SCAF8: variants seen among roughly 807,000 people sequenced by gnomAD.
SCAF8 encodes SR-related and CTD-associated factor 8.
SCAF8 carries 23 observed loss-of-function variants against 140.5 expected under a neutral mutation model. The ratio of observed to expected loss-of-function variants is 0.16; its 90% CI spans 0.12 to 0.23. SCAF8 has a LOEUF of 0.23. Among genes scored for constraint, SCAF8 ranks in the 10% least tolerant of loss-of-function variants. The pLI is 1.00. For synonymous variants in SCAF8, 575 were observed against 528.9 expected (o/e 1.09, Z -1.20); for missense variants, 1,397 against 1,555.7 (o/e 0.90, Z 1.72).
intron 16 of SCAF8, among the ~76,000 whole-genome samples, chr6:154,822,658 G>A (rs984415491): frequency 6.6e-6 from 1 of 152,094 alleles, no homozygotes; most frequent in African/African-American, 2.4e-5. Flanking sequence ...AAAACTCAGA[G>A]GATTTTTTTA....
chr6:154,762,483 G>A lies in SCAF8; in HGVS notation c.31-11506G>A, dbSNP rs139137831. On this transcript the variant is annotated intron_variant, in intron 1 of 19. Transcript: ENST00000367178. ...GTCCCATTTCTGGTCTACTACAATA[G>A]TTATCATCGGAGTGACTGTCCCACC... Among the ~76,000 whole-genome samples, 47 of 152,164 alleles carry A rather than the reference G, an allele frequency of 3.1e-4. No homozygotes were observed. In the East Asian group the frequency reaches 8.5e-3, roughly 27 times the overall value.
chr6:154,796,389 CTCTG>C (rs1554261842), intron 6 of SCAF8, among the ~76,000 whole-genome samples: 1 of 140,958 alleles, frequency 7.1e-6, no homozygotes, highest in Non-Finnish European at 1.5e-5. Context: ...CTCTCTCTCT[CTCTG>C]TCTCTCTCTT....
At chr6:154,818,366 C>T in intron 13 of SCAF8, 113 bp from the exon 14 acceptor site, 1 of 439,304 alleles carries the variant, frequency 2.3e-6, no homozygotes, top group Non-Finnish European at 4.0e-6. Context: ...AGTCAGTAAT[C>T]TATCAGAATT....
intron 2 of SCAF8, among the ~76,000 whole-genome samples, chr6:154,777,138 G>GC (rs1776938524): frequency 6.6e-6 from 1 of 151,956 alleles, no homozygotes; most frequent in Non-Finnish European, 1.5e-5. Context: ...CTGAGATTGT[G>GC]CCGCTGCACA....
At chr6:154,786,262 GTCTTC>G (rs906554906) in intron 3 of SCAF8, among the ~76,000 whole-genome samples, 1 of 152,186 alleles carries the variant, frequency 6.6e-6, no homozygotes, top group African/African-American at 2.4e-5. Flanking sequence ...TTTTCTTGCT[GTCTTC>G]TCTTCTTGGG....
intron 3 of SCAF8, among the ~76,000 whole-genome samples, chr6:154,785,410 C>T (rs1777223789): frequency 1.3e-5 from 2 of 152,164 alleles, no homozygotes; most frequent in Non-Finnish European, 2.9e-5. Context: ...CTAGATAATA[C>T]TAAATTAGTT....
chr6:154,828,751 C>T (rs550766592), intron 18 of SCAF8, among the ~76,000 whole-genome samples: 9 of 152,012 alleles, frequency 5.9e-5, no homozygotes, highest in South Asian at 2.1e-4. Context: ...GGGTTTTCGT[C>T]GAGTCTAGGA....
chr6:154,827,930 C>G (rs921718191), intron 18 of SCAF8, among the ~76,000 whole-genome samples: 1 of 152,054 alleles, frequency 6.6e-6, no homozygotes, highest in Non-Finnish European at 1.5e-5. Context: ...CATAAGCCCC[C>G]ACCCACCACA....
chr6:154,784,134 TA>T (rs1219311894), intron 3 of SCAF8, among the ~76,000 whole-genome samples: 12 of 77,128 alleles, frequency 1.6e-4, no homozygotes, highest in East Asian at 5.3e-4. Context: ...TATATATATA[TA>T]TATATATATA....
chr6:154,810,763 A>T (rs1778067230), intron 12 of SCAF8, among the ~76,000 whole-genome samples: 1 of 152,000 alleles, frequency 6.6e-6, no homozygotes, highest in Non-Finnish European at 1.5e-5. Flanking sequence ...TAGGAATGTT[A>T]AGCACAGCAA....
intron 1 of SCAF8, among the ~76,000 whole-genome samples, chr6:154,747,678 A>G (rs1778735194): frequency 6.6e-6 from 1 of 152,208 alleles, no homozygotes; most frequent in African/African-American, 2.4e-5. Context: ...ATCGAGCAGA[A>G]CAGTATAGCT....
rs1006673154 is a variant in SCAF8 at position 154,831,157 on chromosome 6, A to C, written c.2359+17A>C. ...CCAGATCAGGTAAATAATAATAATA[A>C]AATTTAAAAAAAGAGGTTGCCTCTC... On this transcript the variant is annotated intron_variant, in intron 19 of 19. Transcript: ENST00000367178. 2.1e-6 allele frequency: 3 copies of C among 1,443,388 alleles called. No homozygotes were observed. Among genetic ancestry groups the C allele is most frequent in the African/African-American group, 2.9e-5 (2 of 69,486 alleles). The allele number at this position is 1,443,388 out of a possible 1,614,324, so 89.4% of individuals were successfully genotyped here. A position where few individuals can be genotyped will look rare whatever the true frequency, so the allele number is the denominator to read the frequency against.
chr6:154,804,967 TACTG>T (rs1482003076), intron 8 of SCAF8, among the ~76,000 whole-genome samples: 1 of 152,210 alleles, frequency 6.6e-6, no homozygotes, highest in Non-Finnish European at 1.5e-5. Context: ...ATTTCACACA[TACTG>T]ATTGATAGAC....
chr6:154,799,394 C>G lies in SCAF8; in HGVS notation c.607-2577C>G, dbSNP rs182123211. On this transcript the variant is annotated intron_variant, in intron 6 of 19. Transcript: ENST00000367178. The stretch of plus-strand genomic sequence containing the variant: ...TCCCAAGTCAATGGAATTACAGGCA[C>G]AAGCCATCGTGCCTGCACTAAAATC... Among the ~76,000 whole-genome samples the G allele has an allele frequency of 4.6e-5, 7 of 151,414 alleles. 1 individual carries two copies. The highest frequency in any genetic ancestry group is 4.6e-4 in the Admixed American group (7 of 15,230).
chr6:154,793,277 T>C (rs1051695013), intron 5 of SCAF8, among the ~76,000 whole-genome samples: 4 of 152,170 alleles, frequency 2.6e-5, no homozygotes, highest in Non-Finnish European at 5.9e-5. Flanking sequence ...TACTTGCATT[T>C]GTATCAACTT....
At chr6:154,806,859 A>G (rs976891778) in intron 9 of SCAF8, among the ~76,000 whole-genome samples, 1 of 152,186 alleles carries the variant, frequency 6.6e-6, no homozygotes, top group Non-Finnish European at 1.5e-5. Context: ...GAAGTTGAAG[A>G]TAGAACACAA....
In SCAF8 at chr6:154,830,966, G is replaced by A. The variant is rs745788485; in HGVS notation, c.2185G>A (p.Asp729Asn). 6.2e-7 allele frequency: 1 copy of A among 1,614,114 alleles called. No individual in the cohort carries two copies. The highest frequency in any genetic ancestry group is 8.5e-7 in the Non-Finnish European group (1 of 1,179,976). Reference sequence around the variant, plus strand: ...ATCCATGACACCGGAAACTGTGAAAGATGTTGGATTTGGTAGCCTTGTTAT... The same window carrying A: ...ATCCATGACACCGGAAACTGTGAAAAATGTTGGATTTGGTAGCCTTGTTAT... The part of the protein sequence containing the change: ...SLSMTPETVK[D>N]VGFGSLVIPG... The change falls in exon 19 of 20, where the codon GAT (aspartate) becomes AAT (asparagine). Residue 729 changes from aspartate (D) to asparagine (N), a missense_variant. By Grantham distance (23) the Asp-to-Asn change is conservative. Transcript: ENST00000367178.
At chr6:154,782,472 G>A (rs1190039105) in intron 3 of SCAF8, among the ~76,000 whole-genome samples, 4 of 152,092 alleles carry the variant, frequency 2.6e-5, no homozygotes, top group Admixed American at 1.3e-4. Context: ...CAGCAGCAGA[G>A]GCGGGAGTTA....
chr6:154,794,118 C>T (rs781032877), intron 5 of SCAF8, among the ~76,000 whole-genome samples: 6 of 151,810 alleles, frequency 4.0e-5, no homozygotes, highest in African/African-American at 9.7e-5. Context: ...TTGTTAGAGA[C>T]GGAGTCTTGC....
Sources: allele counts gnomAD v4.1 joint callset (sites outside exome capture counted in the v4.1 genomes callset), GRCh38; gene constraint gnomAD v4.1.1; transcripts MANE v1.5; gene names NCBI Gene and HGNC (gene_info 2026-07-23, HGNC 2026-07-21).